Variants in GALNT13 observed in about 807,000 individuals in gnomAD.
GALNT13 encodes polypeptide N-acetylgalactosaminyltransferase 13.
In GALNT13, 28 loss-of-function variants were observed where a neutral mutation model predicts 64.2. The observed-to-expected ratio is 0.44, with a 90% CI of 0.32 to 0.60. GALNT13 has a LOEUF of 0.60. Among genes scored for constraint, GALNT13 ranks in the 20% least tolerant of loss-of-function variants. The pLI is 0.05. For synonymous variants in GALNT13, 214 were observed against 224.6 expected, an observed-to-expected ratio of 0.95 and a Z score of 0.42; for missense variants, 577 against 669.8, an observed-to-expected ratio of 0.86 and a Z score of 1.53.
chr2:154,354,023 A>G (rs925274570), intron 9 of GALNT13, among the ~76,000 whole-genome samples: 1 of 152,086 alleles, frequency 6.6e-6, no homozygotes, highest in South Asian at 2.1e-4. Context: ...CAACATTTTC[A>G]CCAACAGTGT....
chr2:153,908,596 A>G (rs773579252), intron 2 of GALNT13, among the ~76,000 whole-genome samples: 5 of 151,982 alleles, frequency 3.3e-5, no homozygotes, highest in African/African-American at 9.7e-5. Context: ...TCCAGTTTCA[A>G]TCTTCTGCAT....
intron 8 of GALNT13, among the ~76,000 whole-genome samples, chr2:154,277,920 T>C (rs2105934224): frequency 6.6e-6 from 1 of 152,314 alleles, no homozygotes. Flanking sequence ...ATTTCTGTAC[T>C]GCCACCATGA....
At chr2:153,563,356 G>C in the GALNT13 span, among the ~76,000 whole-genome samples, 13,477 of 151,958 alleles carry the variant, frequency 0.089, 630 homozygotes, top group South Asian at 0.15. Flanking sequence ...GTTTTCTTAT[G>C]TTTATGCACT....
chr2:153,321,027 A>C, the GALNT13 span, among the ~76,000 whole-genome samples: 1 of 152,172 alleles, frequency 6.6e-6, no homozygotes, highest in Admixed American at 6.6e-5. Context: ...GCTCATGTTA[A>C]CAGAGTCCAT....
chr2:154,243,973 G>A (rs1196369740), intron 6 of GALNT13, among the ~76,000 whole-genome samples: 2 of 152,296 alleles, frequency 1.3e-5, no homozygotes, highest in South Asian at 2.1e-4. Flanking sequence ...TTAGTCCATA[G>A]AGTGTTGTAC....
chr2:153,301,877 TTGTGTGTGTGTG>T, the GALNT13 span, among the ~76,000 whole-genome samples: 10 of 146,172 alleles, frequency 6.8e-5, no homozygotes, highest in East Asian at 2.0e-4. Context: ...GTATTCCACT[TTGTGTGTGTGTG>T]TGTGTGTGTG....
At chr2:153,517,357 T>A in the GALNT13 span, among the ~76,000 whole-genome samples, 3 of 152,294 alleles carry the variant, frequency 2.0e-5, no homozygotes, top group East Asian at 5.8e-4. Flanking sequence ...AGTTAAGAAT[T>A]ACTTTTCTTA....
the GALNT13 span, among the ~76,000 whole-genome samples, chr2:153,678,944 G>A: frequency 6.6e-6 from 1 of 152,090 alleles, no homozygotes; most frequent in Non-Finnish European, 1.5e-5. Flanking sequence ...ATGGAAAATG[G>A]AAGTGAAGAA....
intron 10 of GALNT13, among the ~76,000 whole-genome samples, chr2:154,400,583 A>G (rs1230299544): frequency 6.6e-6 from 1 of 152,148 alleles, no homozygotes; most frequent in Non-Finnish European, 1.5e-5. Context: ...TCTGTATCTT[A>G]ATTTATTTTA....
chr2:153,664,095 A>C, the GALNT13 span, among the ~76,000 whole-genome samples: 1 of 152,156 alleles, frequency 6.6e-6, no homozygotes, highest in Non-Finnish European at 1.5e-5. Flanking sequence ...TCTTAACAAG[A>C]AACAGGGTTC....
the GALNT13 span, among the ~76,000 whole-genome samples, chr2:153,526,326 C>T: frequency 6.6e-6 from 1 of 152,252 alleles, no homozygotes; most frequent in Non-Finnish European, 1.5e-5. Context: ...TATTAATCCA[C>T]ACCCAGCTTC....
intron 4 of GALNT13, among the ~76,000 whole-genome samples, chr2:154,237,997 T>G (rs1689287366): frequency 6.6e-6 from 1 of 152,012 alleles, no homozygotes; most frequent in Non-Finnish European, 1.5e-5. Flanking sequence ...TTATATGGCT[T>G]TTTTCTTATC....
the GALNT13 span, among the ~76,000 whole-genome samples, chr2:153,195,250 C>T: frequency 6.6e-6 from 1 of 152,104 alleles, no homozygotes; most frequent in East Asian, 1.9e-4. Context: ...TCCCATGGTG[C>T]CTTTGCCTGA....
rs555667450 is a variant in GALNT13, at chr2:154,393,895, G to A, written c.1157-2096G>A. ...AGATCGAGACCATCCCGGCTAAAAC[G>A]GTGAAACCCCGTCTCTACTAAAAAT... On this transcript the variant is annotated intron_variant, in intron 9 of 12. Coordinates refer to ENST00000392825, the MANE Select transcript of GALNT13 (RefSeq NM_052917.4). Among the ~76,000 whole-genome samples, 70 of 150,680 alleles carry A rather than the reference G, an allele frequency of 4.6e-4. 1 individual carries two copies. The highest frequency in any genetic ancestry group is 3.4e-3 in the South Asian group (16 of 4,732).
At chr2:153,275,446 AT>A in the GALNT13 span, among the ~76,000 whole-genome samples, 1 of 152,180 alleles carries the variant, frequency 6.6e-6, no homozygotes, top group Non-Finnish European at 1.5e-5. Flanking sequence ...AAGGAAGTCC[AT>A]CCCTTTTTGC....
At chr2:154,034,059 C>G (rs931851860) in intron 3 of GALNT13, among the ~76,000 whole-genome samples, 2 of 152,212 alleles carry the variant, frequency 1.3e-5, no homozygotes, top group Middle Eastern at 3.4e-3. Context: ...CTTTGGGAAA[C>G]GGTTTGGTAG....
the GALNT13 span, among the ~76,000 whole-genome samples, chr2:153,159,902 G>T: frequency 3.9e-5 from 6 of 152,168 alleles, no homozygotes; most frequent in African/African-American, 7.2e-5. Context: ...AAATCTATTG[G>T]CCAGTCAGAT....
At chr2:154,337,326 T>A (rs1321163323) in intron 9 of GALNT13, among the ~76,000 whole-genome samples, 2 of 152,102 alleles carry the variant, frequency 1.3e-5, no homozygotes, top group Non-Finnish European at 2.9e-5. Context: ...GAATGATAAT[T>A]GCTTTATTGG....
At chr2:153,412,223 C>T in the GALNT13 span, among the ~76,000 whole-genome samples, 1 of 151,972 alleles carries the variant, frequency 6.6e-6, no homozygotes, top group Non-Finnish European at 1.5e-5. Flanking sequence ...CTAGGGAACC[C>T]TGTTTAATAC....
Sources: gnomAD v4.1 joint callset for allele counts (sites outside exome capture counted in the v4.1 genomes callset) on GRCh38, gnomAD v4.1.1 for gene constraint, MANE v1.5 for transcripts, NCBI Gene and HGNC (gene_info 2026-07-23, HGNC 2026-07-21) for gene names.